CNTNAP2: variants seen among roughly 807,000 people sequenced by gnomAD.
The protein encoded by CNTNAP2 is contactin associated protein 2.
Under a neutral mutation model 155.2 loss-of-function variants are expected in CNTNAP2, and 98 were observed. The ratio of observed to expected loss-of-function variants is 0.63; its 90% confidence interval spans 0.54 to 0.75. The LOEUF (loss-of-function observed/expected upper bound fraction) is 0.75. CNTNAP2 is among the 30% of genes least tolerant of loss of function. CNTNAP2 has a pLI of 0.00. For synonymous variants in CNTNAP2, 651 were observed against 631.2 expected, an observed-to-expected ratio of 1.03 and a Z score of -0.47; for missense variants, 1,727 against 1,688.1, an observed-to-expected ratio of 1.02 and a Z score of -0.40.
intron 13 of CNTNAP2, among the ~76,000 whole-genome samples, chr7:147,684,248 G>A (rs192195456): frequency 1.3e-5 from 2 of 151,880 alleles, no homozygotes; most frequent in Non-Finnish European, 1.5e-5. Context: ...CCTTATCAGC[G>A]TGTGTGTTTT....
At chr7:147,598,353 C>A (rs1452171398) in intron 12 of CNTNAP2, among the ~76,000 whole-genome samples, 2 of 152,046 alleles carry the variant, frequency 1.3e-5, no homozygotes, top group Non-Finnish European at 2.9e-5. Flanking sequence ...CCGCAACAGG[C>A]CCTGGTGTGT....
chr7:147,998,305 G>T (rs1052126889), intron 15 of CNTNAP2, among the ~76,000 whole-genome samples: 2 of 151,824 alleles, frequency 1.3e-5, no homozygotes, highest in African/African-American at 4.8e-5. Context: ...TAGAGACGGG[G>T]TTTCACCGTG....
At chr7:146,888,567 A>C (rs1003009910) in intron 3 of CNTNAP2, among the ~76,000 whole-genome samples, 1 of 151,936 alleles carries the variant, frequency 6.6e-6, no homozygotes. Context: ...ATTTCCTAGG[A>C]CCTTTTTCAC....
intron 1 of CNTNAP2, among the ~76,000 whole-genome samples, chr7:146,132,772 A>G (rs1349297239): frequency 6.6e-6 from 1 of 150,724 alleles, no homozygotes. Context: ...ATAGTATTCC[A>G]TGGTGTATAT....
intron 9 of CNTNAP2, among the ~76,000 whole-genome samples, chr7:147,351,607 G>A (rs527800201): frequency 1.3e-5 from 2 of 151,720 alleles, no homozygotes; most frequent in Non-Finnish European, 3.0e-5. Flanking sequence ...ATATATATTT[G>A]TTATAGTCTA....
At chr7:148,381,056 G>A (rs775425542) in intron 21 of CNTNAP2, among the ~76,000 whole-genome samples, 11 of 152,354 alleles carry the variant, frequency 7.2e-5, no homozygotes, top group East Asian at 1.9e-4. Flanking sequence ...GGGTAAGCAC[G>A]CGGGTGAGTG....
intron 1 of CNTNAP2, among the ~76,000 whole-genome samples, chr7:146,345,605 G>C (rs573809849): frequency 3.3e-5 from 5 of 152,270 alleles, no homozygotes; most frequent in African/African-American, 1.2e-4. Flanking sequence ...ACACTTTGTT[G>C]ATGACAAGGT....
intron 18 of CNTNAP2, among the ~76,000 whole-genome samples, chr7:148,181,556 G>A (rs975556135): frequency 3.3e-5 from 5 of 152,048 alleles, no homozygotes; most frequent in African/African-American, 7.2e-5. Context: ...CCTAGCCTGA[G>A]GTTCTCTTTG....
chr7:146,609,362 A>G (rs1585005109), intron 1 of CNTNAP2, among the ~76,000 whole-genome samples: 2 of 152,214 alleles, frequency 1.3e-5, no homozygotes, highest in East Asian at 1.9e-4. Context: ...ACAAACAAAT[A>G]GGATTTTATA....
intron 1 of CNTNAP2, among the ~76,000 whole-genome samples, chr7:146,118,669 G>A (rs1797520800): frequency 6.6e-6 from 1 of 152,044 alleles, no homozygotes; most frequent in Admixed American, 6.6e-5. Context: ...GTAGCAAATG[G>A]AACACTGGCA....
chr7:146,539,935 T>C (rs904106295), intron 1 of CNTNAP2, among the ~76,000 whole-genome samples: 1 of 152,136 alleles, frequency 6.6e-6, no homozygotes, highest in South Asian at 2.1e-4. Context: ...AAGCCTGTCA[T>C]GGTAAAGAAG....
chr7:148,338,358 A>G (rs1798158528), intron 21 of CNTNAP2, among the ~76,000 whole-genome samples: 1 of 152,226 alleles, frequency 6.6e-6, no homozygotes, highest in South Asian at 2.1e-4. Flanking sequence ...TAGAAAATCC[A>G]GATGAAGCAG....
At chr7:148,199,553 G>C (rs1795334549) in intron 18 of CNTNAP2, among the ~76,000 whole-genome samples, 1 of 152,174 alleles carries the variant, frequency 6.6e-6, no homozygotes, top group Non-Finnish European at 1.5e-5. Context: ...ATTGACAAAT[G>C]CTTTTAGTTT....
chr7:146,746,004 C>T (rs1563214020), intron 1 of CNTNAP2, among the ~76,000 whole-genome samples: 1 of 152,130 alleles, frequency 6.6e-6, no homozygotes, highest in Non-Finnish European at 1.5e-5. Context: ...CTTCTCTAGC[C>T]TTTTGGCTGT....
chr7:146,819,146 C>T (rs1446269570), intron 2 of CNTNAP2, among the ~76,000 whole-genome samples: 1 of 152,010 alleles, frequency 6.6e-6, no homozygotes, highest in Non-Finnish European at 1.5e-5. Context: ...TCAAGTTACC[C>T]AACTTTCCCT....
chr7:146,368,864 A>ATT (rs1795191883), intron 1 of CNTNAP2, among the ~76,000 whole-genome samples: 1 of 150,406 alleles, frequency 6.6e-6, no homozygotes, highest in Admixed American at 6.7e-5. Flanking sequence ...ATATATATAT[A>ATT]TAGATGCTTG....
At chr7:146,345,598 C>T (rs1390946752) in intron 1 of CNTNAP2, among the ~76,000 whole-genome samples, 1 of 152,216 alleles carries the variant, frequency 6.6e-6, no homozygotes, top group Non-Finnish European at 1.5e-5. Context: ...CTGCCACACA[C>T]TTTGTTGATG....
chr7:147,143,362 G>A (rs1256398365), intron 8 of CNTNAP2, among the ~76,000 whole-genome samples: 5 of 152,128 alleles, frequency 3.3e-5, no homozygotes, highest in East Asian at 1.9e-4. Flanking sequence ...ATTCCATGGC[G>A]ATCTCAAATC....
At chr7:147,673,723 G>T (rs577142775) in intron 13 of CNTNAP2, among the ~76,000 whole-genome samples, 1 of 152,192 alleles carries the variant, frequency 6.6e-6, no homozygotes, top group East Asian at 1.9e-4. Context: ...GACTGGAGAT[G>T]GGGACATTAG....
Sources: gnomAD v4.1 joint callset for allele counts (sites outside exome capture counted in the v4.1 genomes callset) on GRCh38, gnomAD v4.1.1 for gene constraint, MANE v1.5 for transcripts, NCBI Gene and HGNC (gene_info 2026-07-23, HGNC 2026-07-21) for gene names.